Variants in NBPF20 observed in about 807,000 individuals in gnomAD.
NBPF20 encodes the protein NBPF member 20.
NBPF20 carries 90 observed loss-of-function variants against 68.1 expected under a neutral mutation model. The observed-to-expected ratio is 1.32, with a 90% CI of 1.11 to 1.58. NBPF20 has a LOEUF of 1.58. NBPF20 is among the 40% of genes most tolerant of loss of function. The pLI, the probability that NBPF20 is intolerant of heterozygous loss-of-function variation, is 0.00. For missense variants in NBPF20, 816 were observed against 601.2 expected, an observed-to-expected ratio of 1.36 and a Z score of -3.74; for synonymous variants, 290 against 228.1, an observed-to-expected ratio of 1.27 and a Z score of -2.45.
At chr1:145,291,794 A>G in intron 137 of NBPF20, 25 bp from the exon 143 acceptor site, 2 of 1,611,946 alleles carry the variant, frequency 1.2e-6, no homozygotes, top group Non-Finnish European at 1.7e-6. Context: ...AAAACTAAAG[A>G]AGCAGCCAGG....
At chr1:145,422,626 A>G in the NBPF20 span, among the ~76,000 whole-genome samples, 1 of 152,070 alleles carries the variant, frequency 6.6e-6, no homozygotes, top group Non-Finnish European at 1.5e-5. Flanking sequence ...AGTGCCAAAC[A>G]GTGCAGAAGG....
upstream of NBPF20, among the ~76,000 whole-genome samples, chr1:145,409,611 C>T (rs1324518543): frequency 6.9e-6 from 1 of 145,552 alleles, no homozygotes; most frequent in African/African-American, 2.5e-5. Flanking sequence ...CTCCCCAGGC[C>T]TCCACAAACA....
chr1:145,400,445 G>T lies in NBPF20; in HGVS notation c.716C>A (p.Thr239Asn), dbSNP rs1357723307. ...AACATGAGAGGATGAGCCAATCAGA[G>T]TTGAGTCGACTTTGTCTTCCTCAAA... is the stretch of plus-strand genomic sequence containing the variant. Residue 239 changes from threonine (T) to asparagine (N), a missense_variant, in exon 6 of 138, where the codon ACT becomes AAT. Coordinates refer to ENST00000369373, the Ensembl canonical transcript of NBPF20. The T allele has an allele frequency of 3.7e-6, 6 of 1,613,174 alleles. No individual in the cohort carries two copies. In the Admixed American group the frequency reaches 1.0e-4, roughly 27 times the overall value.
upstream of NBPF20, among the ~76,000 whole-genome samples, chr1:145,406,085 ATTTT>A (rs587699811): frequency 6.0e-5 from 7 of 117,644 alleles, no homozygotes; most frequent in African/African-American, 1.4e-4. Context: ...CGCCCGGCTA[ATTTT>A]TTTTTTTTTT....
the NBPF20 span, among the ~76,000 whole-genome samples, chr1:145,421,614 C>T: frequency 2.0e-5 from 3 of 151,964 alleles, no homozygotes; most frequent in Non-Finnish European, 2.9e-5. Flanking sequence ...CTCAAATTTC[C>T]AGGAGCTTAT....
intron 7 of NBPF20, among the ~76,000 whole-genome samples, chr1:145,398,659 T>A (rs1479889215): frequency 8.5e-4 from 129 of 151,524 alleles, no homozygotes; most frequent in African/African-American, 3.0e-3. Flanking sequence ...AACATCACAA[T>A]TAAAATAACT....
exon 133 of NBPF20, chr1:145,295,591 T>C: frequency 5.6e-6 from 1 of 177,218 alleles, no homozygotes; most frequent in South Asian, 3.1e-5. Context: ...GTCTTGGTCT[T>C]CTTCCACTTC....
At chr1:145,425,229 A>AACCCCCCCCCC in the NBPF20 span, among the ~76,000 whole-genome samples, 1 of 71,506 alleles carries the variant, frequency 1.4e-5, no homozygotes, top group African/African-American at 5.2e-5. Flanking sequence ...CGCCCCCCCC[A>AACCCCCCCCCC]ACCCCCCACC....
chr1:145,292,512 C>G (rs587740600), intron 136 of NBPF20, 23 bp from the exon 142 acceptor site: 1 of 698,916 alleles, frequency 1.4e-6, no homozygotes, highest in African/African-American at 2.1e-5. Flanking sequence ...CAGACATGGA[C>G]AGACACATTA....
intron 2 of NBPF20, among the ~76,000 whole-genome samples, chr1:145,404,496 C>G (rs1367857124): frequency 6.6e-6 from 1 of 152,120 alleles, no homozygotes; most frequent in Non-Finnish European, 1.5e-5. Context: ...TGACCTCGTG[C>G]TCTGCCCGCC....
exon 8 of NBPF20, chr1:145,394,987 C>A: frequency 1.2e-6 from 2 of 1,611,986 alleles, no homozygotes; most frequent in Non-Finnish European, 1.7e-6. Flanking sequence ...CTGCCTATGT[C>A]AACAGCCATG....
At chr1:145,393,807 G>C (rs1325840631) in intron 9 of NBPF20, 77 bp downstream of exon 14, 1 of 1,260,838 alleles carries the variant, frequency 7.9e-7, no homozygotes, top group Non-Finnish European at 1.1e-6. Context: ...ATTATTTTCA[G>C]CATGTACTGT....
chr1:145,393,851 T>C (rs1431952756), intron 9 of NBPF20, 33 bp downstream of exon 14: 2 of 1,510,222 alleles, frequency 1.3e-6, no homozygotes, highest in Non-Finnish European at 1.8e-6. Context: ...GGTGTCAACA[T>C]CAAATTAACT....
rs1437738724 is a variant in NBPF20 at position 145,395,657 on chromosome 1, C to T, written c.828-516G>A. ...GAAAAAAGCATGTATACACCTCTCC[C>T]TGGATTTAAACACATCGGAGAGAAT... On this transcript the variant is annotated intron_variant, in intron 7 of 137. Transcript: ENST00000369373. Among the ~76,000 whole-genome samples, 36 of 149,456 alleles carry T rather than the reference C, an allele frequency of 2.4e-4. 1 individual carries two copies. Among genetic ancestry groups the T allele is most frequent in the Non-Finnish European group, 4.4e-5 (3 of 68,020 alleles).
chr1:145,421,077 T>C, the NBPF20 span, among the ~76,000 whole-genome samples: 4 of 143,132 alleles, frequency 2.8e-5, no homozygotes, highest in East Asian at 6.1e-4. Flanking sequence ...TAGTGAGCTA[T>C]GATGGCACCA....
At chr1:145,393,785 C>T in intron 9 of NBPF20, 99 bp downstream of exon 14, 1 of 1,398,126 alleles carries the variant, frequency 7.2e-7, no homozygotes, top group Non-Finnish European at 1.0e-6. Flanking sequence ...ACTTGTCTGA[C>T]AAGACAAAAT....
the NBPF20 span, among the ~76,000 whole-genome samples, chr1:145,411,076 G>A: frequency 6.9e-6 from 1 of 145,872 alleles, no homozygotes; most frequent in Non-Finnish European, 1.5e-5. Context: ...CTGGAAATAG[G>A]TAGTGAATTC....
chr1:145,292,479 C>T (rs1553658271), exon 137 of NBPF20: 1 of 716,292 alleles, frequency 1.4e-6, no homozygotes, highest in Admixed American at 2.0e-5. Context: ...CCTTCCCCTT[C>T]TTTTCAATTT....
At chr1:145,292,411 C>T (rs1449876800) in exon 137 of NBPF20, 3 of 690,310 alleles carry the variant, frequency 4.3e-6, no homozygotes, top group South Asian at 3.1e-5. Flanking sequence ...ATCTTCTTCC[C>T]CTTCTTTTCT....
Sources: allele counts gnomAD v4.1 joint callset (sites outside exome capture counted in the v4.1 genomes callset), GRCh38; gene constraint gnomAD v4.1.1; transcripts MANE v1.5; gene names NCBI Gene and HGNC (gene_info 2026-07-23, HGNC 2026-07-21).